Variants in RIMBP2 observed in about 807,000 individuals in gnomAD.
RIMBP2 encodes RIMS-binding protein 2.
Under a neutral mutation model 118.6 loss-of-function variants are expected in RIMBP2, and 48 were observed. The ratio of observed to expected loss-of-function variants is 0.40; its 90% CI spans 0.32 to 0.51. RIMBP2 has a LOEUF of 0.51. Among genes scored for constraint, RIMBP2 ranks in the 20% least tolerant of loss-of-function variants. The pLI is 0.41. For missense variants in RIMBP2, 1,551 were observed against 1,768.3 expected, an observed-to-expected ratio of 0.88 and a Z score of 2.20; for synonymous variants, 762 against 742.9, an observed-to-expected ratio of 1.03 and a Z score of -0.42.
chr12:130,580,953 TTG>T lies in RIMBP2; in HGVS notation c.-217+47367_-217+47368del, dbSNP rs967999522. ...TGTGTGTGTGTGTGTGTGTGTTTGT[TTG>T]TGTGTGTGTGTGTATGTATATATAG... On this transcript the variant is annotated intron_variant, in intron 2 of 22. Transcript: ENST00000690449. 7.3e-3 allele frequency among the ~76,000 whole-genome samples: 948 copies of T among 130,040 alleles called. 15 individuals are homozygous for T. The highest frequency in any genetic ancestry group is 0.024 in the African/African-American group (904 of 37,196). 85.3% of individuals were successfully genotyped at this position (130,040 alleles called of 152,430 possible). A position where few individuals can be genotyped will look rare whatever the true frequency, so the allele number is the denominator to read the frequency against.
At chr12:130,642,433 C>T (rs2062665352) in intron 1 of RIMBP2, among the ~76,000 whole-genome samples, 1 of 152,078 alleles carries the variant, frequency 6.6e-6, no homozygotes, top group Non-Finnish European at 1.5e-5. Flanking sequence ...TACAAGTGCC[C>T]GCTACCACGC....
At chr12:130,426,840 G>C (rs562980409) in intron 15 of RIMBP2, 1 of 152,390 alleles carries the variant, frequency 6.6e-6, no homozygotes, top group East Asian at 1.9e-4. Context: ...AAAGGCATCA[G>C]GGGGCGGGGG....
chr12:130,447,400 G>A lies in RIMBP2; in HGVS notation c.582-2131C>T, dbSNP rs774782928. Among the ~76,000 whole-genome samples, 1 of 152,168 alleles carries A rather than the reference G, an allele frequency of 6.6e-6. No homozygotes were observed. The highest frequency in any genetic ancestry group is 2.4e-5 in the African/African-American group (1 of 41,446). On this transcript the variant is annotated intron_variant, in intron 9 of 22. Coordinates refer to ENST00000690449, the MANE Select transcript of RIMBP2 (RefSeq NM_001393629.1). The surrounding 1 kb of genome is among the most constrained non-coding windows in gnomAD (Gnocchi z 4.4). ...TTCAGGGCAGACGCTGCCACGTACT[G>A]TGTGGATGAGACCAGGGGACACGTC...
At chr12:130,481,532 G>A (rs1214161048) in intron 4 of RIMBP2, among the ~76,000 whole-genome samples, 2 of 152,194 alleles carry the variant, frequency 1.3e-5, no homozygotes, top group Non-Finnish European at 2.9e-5. Context: ...GAACTCAGAA[G>A]CTGGAATTAC....
rs955115783 is a variant in RIMBP2, at chr12:130,708,129, C to T, written c.-352+8093G>A. On this transcript the variant is annotated intron_variant, in intron 1 of 22. Transcript: ENST00000690449. ...GGATGCTGTGCTGAGGGAAAGAAGC[C>T]GGCCACAGAGGACCATGTGTAGTAT... Among the ~76,000 whole-genome samples the T allele has an allele frequency of 4.6e-5, 7 of 152,202 alleles. 2 individuals are homozygous for T. The South Asian group carries it at 1.5e-3, about 32-fold the overall frequency.
chr12:130,424,737 C>T lies in RIMBP2; in HGVS notation c.2534G>A (p.Cys845Tyr). ...TGCACCCTGCTTGTGTAGCAGCCCACAGCACTCTCCGTCCTCTTCCGCTAC... is the reference window on the plus strand; with the variant it reads ...TGCACCCTGCTTGTGTAGCAGCCCATAGCACTCTCCGTCCTCTTCCGCTAC... Reference protein sequence around the residue: ...PEVAEEDGECCGLLHKQGAGP... With the variant: ...PEVAEEDGECYGLLHKQGAGP... Residue 845 changes from cysteine (C) to tyrosine (Y), a missense_variant, in exon 16 of 23, where the codon TGT becomes TAT. Cys to Tyr is a radical substitution (Grantham distance 194). Around this residue, in one of 5 missense-constraint regions of RIMBP2, gnomAD observed 1,038 missense variants for 1,125.1 expected, o/e 0.92. Transcript: ENST00000690449. This position sits in a 1 kb window ranked among gnomAD's most constrained non-coding sequence, Gnocchi z 9.8. The T allele has an allele frequency of 1.6e-6, 2 of 1,232,290 alleles. No homozygotes were observed. Among genetic ancestry groups the T allele is most frequent in the Non-Finnish European group, 2.0e-6 (2 of 988,080 alleles). The allele number at this position is 1,232,290 out of a possible 1,614,324, so 76.3% of individuals were successfully genotyped here. A position where few individuals can be genotyped will look rare whatever the true frequency, so the allele number is the denominator to read the frequency against.
intron 17 of RIMBP2, among the ~76,000 whole-genome samples, chr12:130,414,982 G>T (rs553781002): frequency 2.0e-5 from 3 of 152,268 alleles, no homozygotes; most frequent in Admixed American, 2.0e-4. Context: ...ATACAAAGAA[G>T]AGCTGGTACC....
intron 1 of RIMBP2, among the ~76,000 whole-genome samples, chr12:130,654,514 C>T (rs895081988): frequency 5.3e-5 from 8 of 152,216 alleles, no homozygotes; most frequent in Non-Finnish European, 7.3e-5. Flanking sequence ...CATTTAACCA[C>T]TCTCCAAGGA....
At chr12:130,508,607 G>A (rs1255966834) in intron 3 of RIMBP2, among the ~76,000 whole-genome samples, 1 of 151,750 alleles carries the variant, frequency 6.6e-6, no homozygotes, top group Non-Finnish European at 1.5e-5. Context: ...TTCACCCCCT[G>A]CCTCCATGCC....
chr12:130,548,179 G>A (rs558551469), intron 2 of RIMBP2, among the ~76,000 whole-genome samples: 3 of 152,140 alleles, frequency 2.0e-5, no homozygotes, highest in South Asian at 2.1e-4. Flanking sequence ...TGTTCCACTC[G>A]GGCCATGAAG....
intron 2 of RIMBP2, among the ~76,000 whole-genome samples, chr12:130,535,696 T>TATAC (rs2053947391): frequency 1.4e-5 from 2 of 146,920 alleles, no homozygotes; most frequent in African/African-American, 5.0e-5. Context: ...CACATATACA[T>TATAC]ATATATACAC....
Position 130,451,339 on chromosome 12 carries a change from A to G in RIMBP2, c.360T>C (p.Gly120=), listed in dbSNP as rs764172773. Residue 120 remains glycine (G), a splice_region_variant and synonymous_variant, in exon 8 of 23, where the codon GGT becomes GGC. Transcript: ENST00000690449. ...AGCTGCCTCCAATAGCGCTCTCCTG[A>G]CCTGGCCACGAACATTAAAACAAGT... ...MNGLATSLGK[G]QESAIGGSSA... 1 of 1,603,336 alleles carries G rather than the reference A, an allele frequency of 6.2e-7. No homozygotes were observed. The highest frequency in any genetic ancestry group is 8.5e-7 in the Non-Finnish European group (1 of 1,172,438).
At chr12:130,455,715 T>G (rs933637786) in intron 7 of RIMBP2, among the ~76,000 whole-genome samples, 14 of 152,214 alleles carry the variant, frequency 9.2e-5, no homozygotes, top group Non-Finnish European at 1.6e-4. Context: ...GCAAATTATC[T>G]TTTTTACAGA....
In RIMBP2 at chr12:130,605,836, G is replaced by A. The variant is rs192336331; in HGVS notation, c.-217+22486C>T. 3.3e-5 allele frequency among the ~76,000 whole-genome samples: 5 copies of A among 152,268 alleles called. No individual in the cohort carries two copies. The East Asian group carries it at 9.7e-4, about 29-fold the overall frequency. On this transcript the variant is annotated intron_variant, in intron 2 of 22. Coordinates refer to ENST00000690449, the MANE Select transcript of RIMBP2 (RefSeq NM_001393629.1). Reference sequence around the variant, plus strand: ...CCCAGCACTTTGGGAGGCCGAGGTGGGCAGATCATTTGAGGTCAGGAGTTC... The same window carrying A: ...CCCAGCACTTTGGGAGGCCGAGGTGAGCAGATCATTTGAGGTCAGGAGTTC...
At chr12:130,437,377 A>G in intron 12 of RIMBP2, 86 bp from the exon 13 acceptor site, 3 of 1,121,964 alleles carry the variant, frequency 2.7e-6, no homozygotes, top group Non-Finnish European at 3.8e-6. Context: ...CTCTGCCCAG[A>G]GGCCAGGTGC....
intron 1 of RIMBP2, among the ~76,000 whole-genome samples, chr12:130,715,312 C>T (rs1043559263): frequency 1.3e-5 from 2 of 152,174 alleles, no homozygotes; most frequent in Non-Finnish European, 2.9e-5. Context: ...CCGCCTCCCC[C>T]GGGGCCAGTG....
At chr12:130,456,242 C>T (rs1017940807) in intron 7 of RIMBP2, among the ~76,000 whole-genome samples, 7 of 152,086 alleles carry the variant, frequency 4.6e-5, no homozygotes, top group African/African-American at 4.8e-5. Context: ...TGGTTTTTCT[C>T]GCCTGTAAAA....
At chr12:130,645,987 A>T (rs928822666) in intron 1 of RIMBP2, among the ~76,000 whole-genome samples, 1 of 152,042 alleles carries the variant, frequency 6.6e-6, no homozygotes, top group African/African-American at 2.4e-5. Flanking sequence ...AAACCCAGGG[A>T]ACAACACTTT....
intron 6 of RIMBP2, among the ~76,000 whole-genome samples, chr12:130,464,685 G>A (rs562739704): frequency 6.6e-6 from 1 of 152,254 alleles, no homozygotes; most frequent in African/African-American, 2.4e-5. Context: ...ACGAGGCCAA[G>A]AGGGACTTGC....
Sources: allele counts gnomAD v4.1 joint callset (sites outside exome capture counted in the v4.1 genomes callset), GRCh38; gene constraint gnomAD v4.1.1; regional missense constraint gnomAD v4.1.1; non-coding constraint Gnocchi (gnomAD v3.1); transcripts MANE v1.5; gene names NCBI Gene and HGNC (gene_info 2026-07-23, HGNC 2026-07-21).